The following FAM83G variants were observed in gnomAD, a reference collection of about 807,000 sequenced individuals.
FAM83G encodes the protein scaffolding CK1 anchoring protein G, also known as protein FAM83G.
FAM83G carries 38 observed loss-of-function variants against 61.5 expected under a neutral mutation model. That is an observed-to-expected ratio of 0.62 (90% CI 0.48 to 0.81). The LOEUF (loss-of-function observed/expected upper bound fraction) is 0.81, where lower values mean the gene tolerates loss of function less well. Ranked by LOEUF, FAM83G falls within the 30% of genes least tolerant of loss-of-function variation. The pLI is 0.00. For synonymous variants in FAM83G, 470 were observed against 476.1 expected (o/e 0.99, Z 0.17); for missense variants, 989 against 1,133.6 (o/e 0.87, Z 1.83).
At chr17:19,001,676 C>T (rs950471776) in intron 2 of FAM83G, among the ~76,000 whole-genome samples, 1 of 152,214 alleles carries the variant, frequency 6.6e-6, no homozygotes, top group Non-Finnish European at 1.5e-5. Flanking sequence ...AAAGGAAGCT[C>T]CAGGTGGCTC....
intron 2 of FAM83G, among the ~76,000 whole-genome samples, chr17:18,993,727 G>A (rs1055789713): frequency 6.6e-6 from 1 of 152,168 alleles, no homozygotes; most frequent in Non-Finnish European, 1.5e-5. Flanking sequence ...CTTGGGGTTC[G>A]TTATTCTCCA....
Position 18,970,988 on chromosome 17 carries a change from C to T in FAM83G, c.*371G>A. 6.2e-7 allele frequency: 1 copy of T among 1,612,412 alleles called. No homozygotes were observed. The highest frequency in any genetic ancestry group is 8.5e-7 in the Non-Finnish European group (1 of 1,178,876). On this transcript the variant is annotated 3_prime_UTR_variant, in exon 6 of 6. Transcript: ENST00000388995. ...CAGGGCCCCGCAACCACCAAACTGT[C>T]CCTGTTCCACCCTGACCCCTCCAGC... is the stretch of plus-strand genomic sequence containing the variant.
chr17:18,989,857 A>G (rs1165183659), intron 2 of FAM83G, among the ~76,000 whole-genome samples: 2 of 152,204 alleles, frequency 1.3e-5, no homozygotes, highest in East Asian at 3.9e-4. Context: ...AAGTTGGGCC[A>G]GGGCCTGGAC....
chr17:18,993,731 T>C (rs1044848248), intron 2 of FAM83G, among the ~76,000 whole-genome samples: 2 of 152,178 alleles, frequency 1.3e-5, no homozygotes, highest in Admixed American at 6.5e-5. Context: ...GGGTTCGTTA[T>C]TCTCCAGGTC....
Position 18,968,938 on chromosome 17 carries a change from T to G in FAM83G, c.*2421A>C. 1.1e-6 allele frequency: 1 copy of G among 890,428 alleles called. No individual in the cohort carries two copies. The highest frequency in any genetic ancestry group is 2.6e-5 in the East Asian group (1 of 37,938). 55.2% of individuals were successfully genotyped at this position (890,428 alleles called of 1,614,324 possible). A position where few individuals can be genotyped will look rare whatever the true frequency, so the allele number is the denominator to read the frequency against. ...CAGGCAGGCGAGTGGGGGTCTCCCC[T>G]CCTTATCCACAGGCCACCGAGGCCC... On this transcript the variant is annotated 3_prime_UTR_variant, in exon 6 of 6. Coordinates refer to ENST00000388995, the MANE Select transcript of FAM83G (RefSeq NM_001039999.3). This position sits in a 1 kb window ranked among gnomAD's most constrained non-coding sequence, Gnocchi z 4.1.
Position 18,969,156 on chromosome 17 carries a change from A to G in FAM83G, c.*2203T>C, listed in dbSNP as rs373214290. ...GCATCACAGCCCTGTACACCATCGC[A>G]GGTATGGTGCCTGCAGCAGGGAGGT... On this transcript the variant is annotated 3_prime_UTR_variant, in exon 6 of 6. Transcript: ENST00000388995. 3.7e-6 allele frequency: 6 copies of G among 1,613,358 alleles called. No homozygotes were observed. Among genetic ancestry groups the G allele is most frequent in the Non-Finnish European group, 5.1e-6 (6 of 1,179,650 alleles).
At position 19,000,235 on chromosome 17, in the gene FAM83G, G is replaced by A. The variant is rs1046118037; in HGVS notation, c.522+3285C>T. ...GCCCACTAGGGCTGGAGGGAGGCTG[G>A]AGGGCACAAGCTGCTGAGAGTGAGA... On this transcript the variant is annotated intron_variant, in intron 2 of 5. Coordinates refer to ENST00000388995, the MANE Select transcript of FAM83G (RefSeq NM_001039999.3). This position sits in a 1 kb window ranked among gnomAD's most constrained non-coding sequence, Gnocchi z 5.2. 9.9e-5 allele frequency among the ~76,000 whole-genome samples: 15 copies of A among 152,214 alleles called. No homozygotes were observed. The highest frequency in any genetic ancestry group is 2.2e-4 in the Non-Finnish European group (15 of 68,026).
At chr17:18,988,128 T>C in intron 3 of FAM83G, 119 bp downstream of exon 3, 2 of 1,445,474 alleles carry the variant, frequency 1.4e-6, no homozygotes, top group Non-Finnish European at 1.8e-6. Flanking sequence ...CTAGGATTAC[T>C]GGACTCTGAG....
chr17:18,972,721 G>A (rs1049851824), intron 5 of FAM83G, among the ~76,000 whole-genome samples: 7 of 152,132 alleles, frequency 4.6e-5, no homozygotes, highest in African/African-American at 1.7e-4. Flanking sequence ...AATTAGCTGG[G>A]CACGGTGGCA....
rs2042863392 is a variant in FAM83G at position 18,971,801 on chromosome 17, C to T, written c.2083-53G>A. On this transcript the variant is annotated intron_variant, in intron 5 of 5. Coordinates refer to ENST00000388995, the MANE Select transcript of FAM83G (RefSeq NM_001039999.3). The surrounding 1 kb of genome is among the most constrained non-coding windows in gnomAD (Gnocchi z 5.5). ...CTGAGCAAGAAGGGCCAACCCCGCC[C>T]CAGCACAGGACCCTGCTCAGGCACA... 6.6e-7 allele frequency: 1 copy of T among 1,516,154 alleles called. No homozygotes were observed. The highest frequency in any genetic ancestry group is 8.8e-7 in the Non-Finnish European group (1 of 1,132,436). 93.9% of individuals were successfully genotyped at this position (1,516,154 alleles called of 1,614,324 possible). A position where few individuals can be genotyped will look rare whatever the true frequency, so the allele number is the denominator to read the frequency against.
rs912501787 is a variant in FAM83G at position 18,971,921 on chromosome 17, C to T, written c.2083-173G>A. ...GTTTAGTCACTCGATGCCTCAGTTC[C>T]CCTGTCTGTAATATGGGAATAATCC... On this transcript the variant is annotated intron_variant, in intron 5 of 5. Transcript: ENST00000388995. The surrounding 1 kb of genome is among the most constrained non-coding windows in gnomAD (Gnocchi z 5.5). Among the ~76,000 whole-genome samples, 8 of 152,218 alleles carry T rather than the reference C, an allele frequency of 5.3e-5. No homozygotes were observed. The highest frequency in any genetic ancestry group is 1.4e-4 in the African/African-American group (6 of 41,448).
intron 5 of FAM83G, among the ~76,000 whole-genome samples, chr17:18,973,933 C>T (rs1312595102): frequency 7.1e-6 from 1 of 141,338 alleles, no homozygotes; most frequent in Non-Finnish European, 1.5e-5. Context: ...TGTTCTGTCA[C>T]CCAGGCTGGA....
intron 3 of FAM83G, among the ~76,000 whole-genome samples, chr17:18,980,486 C>A (rs1012561268): frequency 6.6e-6 from 1 of 152,296 alleles, no homozygotes; most frequent in South Asian, 2.1e-4. Context: ...AAGGCCAGGT[C>A]GTCACCGGCC....
chr17:18,981,568 C>T (rs556850753), intron 3 of FAM83G, among the ~76,000 whole-genome samples: 141 of 152,284 alleles, frequency 9.3e-4, no homozygotes, highest in Non-Finnish European at 1.7e-3. Flanking sequence ...CCATGCCATC[C>T]AGCCTCCTGC....
chr17:18,979,271 C>A, intron 4 of FAM83G: 1 of 502,654 alleles, frequency 2.0e-6, no homozygotes, highest in Non-Finnish European at 3.6e-6. Context: ...AAGGACGGCT[C>A]TCAGAGTGAC....
At chr17:18,982,639 G>C (rs186532604) in intron 3 of FAM83G, among the ~76,000 whole-genome samples, 4 of 152,310 alleles carry the variant, frequency 2.6e-5, no homozygotes, top group African/African-American at 9.6e-5. Context: ...GCAAGGCAAG[G>C]TGGGGGCTCC....
chr17:19,003,771 CGGGCCCCTGAGAGG>C lies in FAM83G; in HGVS notation c.257_270del (p.Pro86ArgfsTer58), dbSNP rs1567807474. On this transcript the variant is annotated frameshift_variant, in exon 2 of 6. Coordinates refer to ENST00000388995, the MANE Select transcript of FAM83G (RefSeq NM_001039999.3). LOFTEE classifies it high-confidence loss of function. This position sits in a 1 kb window ranked among gnomAD's most constrained non-coding sequence, Gnocchi z 4.5. ...TCGCCGTCGCCGACCCCATTGTCCT[CGGGCCCCTGAGAGG>C]GGCCCGTGCCCCGAGGGTCCTCAGA... is the stretch of plus-strand genomic sequence containing the variant. 6.2e-7 allele frequency: 1 copy of C among 1,610,040 alleles called. No homozygotes were observed.
chr17:18,981,027 G>GC (rs1262142606), intron 3 of FAM83G, among the ~76,000 whole-genome samples: 1 of 152,160 alleles, frequency 6.6e-6, no homozygotes, highest in Admixed American at 6.5e-5. Flanking sequence ...CCACTCACTG[G>GC]CCCCAGCTTA....
intron 2 of FAM83G, among the ~76,000 whole-genome samples, chr17:18,992,298 AT>A (rs905541334): frequency 2.0e-5 from 3 of 152,026 alleles, no homozygotes; most frequent in African/African-American, 7.2e-5. Context: ...CATGTGAGAG[AT>A]GCAGAAACTG....
Sources: allele counts gnomAD v4.1 joint callset (sites outside exome capture counted in the v4.1 genomes callset), GRCh38; gene constraint gnomAD v4.1.1; non-coding constraint Gnocchi (gnomAD v3.1); transcripts MANE v1.5; gene names NCBI Gene and HGNC (gene_info 2026-07-23, HGNC 2026-07-21).